The following ELAVL4 variants were observed in gnomAD, a reference collection of about 807,000 sequenced individuals.
ELAVL4 encodes the protein ELAV like RNA binding protein 4.
ELAVL4 carries 1 observed loss-of-function variant against 35.6 expected under a neutral mutation model. The ratio of observed to expected loss-of-function variants is 0.03; its 90% CI spans 0.01 to 0.13. The LOEUF (loss-of-function observed/expected upper bound fraction) is 0.13. Ranked by LOEUF, ELAVL4 falls within the 10% of genes least tolerant of loss-of-function variation. The probability of loss-of-function intolerance (pLI) is 1.00; values close to 1 mark genes in which losing one functional copy is unlikely to be tolerated. For synonymous variants in ELAVL4, 156 were observed against 171.0 expected (o/e 0.91, Z 0.69); for missense variants, 267 against 464.9 (o/e 0.57, Z 3.91).
chr1:50,183,123 G>T lies in ELAVL4; in HGVS notation c.354+5931G>T, dbSNP rs184232506. 1.3e-4 allele frequency among the ~76,000 whole-genome samples: 20 copies of T among 152,200 alleles called. 1 individual carries two copies. The highest frequency in any genetic ancestry group is 4.6e-4 in the African/African-American group (19 of 41,554). On this transcript the variant is annotated intron_variant, in intron 3 of 6. Coordinates refer to ENST00000371824, the MANE Select transcript of ELAVL4 (RefSeq NM_001144774.3). ...TCTGCCCACCTTGGCCTCCCAAAGTGCTGGGATTACGGGTGTGAGCCACTG... is the reference window on the plus strand; with the variant it reads ...TCTGCCCACCTTGGCCTCCCAAAGTTCTGGGATTACGGGTGTGAGCCACTG...
intron 2 of ELAVL4, among the ~76,000 whole-genome samples, chr1:50,152,758 G>T (rs576442821): frequency 6.6e-6 from 1 of 152,220 alleles, no homozygotes; most frequent in East Asian, 1.9e-4. Flanking sequence ...TCATTAAGTT[G>T]CTTTTTCGTT....
At chr1:50,086,477 TA>T (rs1185175821) in intron 1 of ELAVL4, among the ~76,000 whole-genome samples, 1 of 17,972 alleles carries the variant, frequency 5.6e-5, no homozygotes, top group Non-Finnish European at 1.3e-4. Flanking sequence ...ATTCAGCTTT[TA>T]TATATATATA....
At chr1:50,101,955 C>T (rs1181302581), upstream of ELAVL4, among the ~76,000 whole-genome samples, 1 of 152,110 alleles carries the variant, frequency 6.6e-6, no homozygotes, top group Non-Finnish European at 1.5e-5. Context: ...ACAGTAGACT[C>T]CCGGTAAAAT....
intron 2 of ELAVL4, among the ~76,000 whole-genome samples, chr1:50,161,340 T>C (rs1260621357): frequency 1.3e-5 from 2 of 152,224 alleles, no homozygotes; most frequent in African/African-American, 4.8e-5. Flanking sequence ...TTTAATTTAA[T>C]GTTGCTTCGA....
intron 2 of ELAVL4, among the ~76,000 whole-genome samples, chr1:50,146,575 T>C (rs909886708): frequency 1.3e-5 from 2 of 152,146 alleles, no homozygotes; most frequent in Non-Finnish European, 2.9e-5. Context: ...AAAAAAAGTA[T>C]CTATCAAATT....
At chr1:50,163,861 CTCAAAG>C (rs1343907704) in intron 2 of ELAVL4, among the ~76,000 whole-genome samples, 1 of 152,120 alleles carries the variant, frequency 6.6e-6, no homozygotes. Flanking sequence ...CGCATGCTCT[CTCAAAG>C]TCTCAGGCAT....
intron 1 of ELAVL4, among the ~76,000 whole-genome samples, chr1:50,140,564 A>T (rs1022375634): frequency 1.3e-5 from 2 of 152,078 alleles, no homozygotes; most frequent in African/African-American, 4.8e-5. Flanking sequence ...TTTCATTCAC[A>T]TGTCAGATTT....
chr1:50,181,979 G>A (rs1007210079), intron 3 of ELAVL4, among the ~76,000 whole-genome samples: 2 of 152,160 alleles, frequency 1.3e-5, no homozygotes, highest in South Asian at 2.1e-4. Flanking sequence ...CACCGCGCCC[G>A]GCTAGCTTTG....
intron 3 of ELAVL4, among the ~76,000 whole-genome samples, chr1:50,191,747 T>C (rs1682692573): frequency 6.6e-6 from 1 of 152,120 alleles, no homozygotes; most frequent in African/African-American, 2.4e-5. Context: ...ATCTGAGCCC[T>C]GAAGAGGAGT....
intron 2 of ELAVL4, chr1:50,174,792 T>C: frequency 6.6e-6 from 1 of 152,324 alleles, no homozygotes; most frequent in Non-Finnish European, 1.5e-5. Context: ...TTATATTTAT[T>C]TTAGATTTTC....
intron 2 of ELAVL4, among the ~76,000 whole-genome samples, chr1:50,162,656 T>C (rs1418521859): frequency 2.0e-5 from 3 of 152,020 alleles, no homozygotes; most frequent in Non-Finnish European, 4.4e-5. Flanking sequence ...TGATCTCGGC[T>C]CACTGCAACC....
intron 1 of ELAVL4, among the ~76,000 whole-genome samples, chr1:50,068,273 T>C (rs545787623): frequency 1.2e-4 from 19 of 152,116 alleles, no homozygotes; most frequent in Non-Finnish European, 2.1e-4. Flanking sequence ...CATGGGAGAA[T>C]AAGGATGTCT....
chr1:50,085,895 T>C (rs1323669096), intron 1 of ELAVL4, among the ~76,000 whole-genome samples: 1 of 152,176 alleles, frequency 6.6e-6, no homozygotes, highest in Non-Finnish European at 1.5e-5. Context: ...AGATATCCCC[T>C]TAGCATTATT....
intron 2 of ELAVL4, among the ~76,000 whole-genome samples, chr1:50,147,388 T>A (rs190216532): frequency 6.6e-6 from 1 of 152,320 alleles, no homozygotes; most frequent in East Asian, 1.9e-4. Flanking sequence ...GTGAAACTAG[T>A]CCCTGCTGTA....
chr1:50,194,897 G>A (rs1045679701), intron 4 of ELAVL4, among the ~76,000 whole-genome samples: 8 of 152,164 alleles, frequency 5.3e-5, no homozygotes, highest in Admixed American at 5.2e-4. Flanking sequence ...GCATGGAATC[G>A]AGGAAGAACA....
At chr1:50,056,552 A>G (rs767430382) in intron 1 of ELAVL4, among the ~76,000 whole-genome samples, 6 of 152,218 alleles carry the variant, frequency 3.9e-5, no homozygotes, top group Non-Finnish European at 8.8e-5. Context: ...AGCACATACA[A>G]TTATGTACAG....
chr1:50,133,371 A>C (rs1050895935), intron 1 of ELAVL4, among the ~76,000 whole-genome samples: 4 of 152,054 alleles, frequency 2.6e-5, no homozygotes, highest in African/African-American at 9.7e-5. Context: ...TCAAAGGCAC[A>C]CTTCTCCTCA....
intron 2 of ELAVL4, among the ~76,000 whole-genome samples, chr1:50,161,460 A>G (rs1366916636): frequency 1.3e-5 from 2 of 152,130 alleles, no homozygotes; most frequent in Non-Finnish European, 2.9e-5. Context: ...GTCCTAGTGC[A>G]CTACTTAGAA....
intron 2 of ELAVL4, among the ~76,000 whole-genome samples, chr1:50,150,975 A>T (rs1171506696): frequency 6.6e-6 from 1 of 152,238 alleles, no homozygotes; most frequent in Non-Finnish European, 1.5e-5. Context: ...TTGGAGAATC[A>T]TAATGGCCAA....
Sources: gnomAD v4.1 joint callset for allele counts (sites outside exome capture counted in the v4.1 genomes callset) on GRCh38, gnomAD v4.1.1 for gene constraint, MANE v1.5 for transcripts, NCBI Gene and HGNC (gene_info 2026-07-23, HGNC 2026-07-21) for gene names.